Variants in LRRC49 observed in about 807,000 individuals in gnomAD.
The protein encoded by LRRC49 is leucine rich repeat containing 49.
Under a neutral mutation model 83.3 loss-of-function variants are expected in LRRC49, and 50 were observed. That is an observed-to-expected ratio of 0.60 (90% CI 0.48 to 0.76). LRRC49 has a LOEUF of 0.76. Among genes scored for constraint, LRRC49 ranks in the 30% least tolerant of loss-of-function variants. LRRC49 has a pLI of 0.00. For missense variants in LRRC49, 704 were observed against 809.1 expected (o/e 0.87, Z 1.58); for synonymous variants, 286 against 283.3 (o/e 1.01, Z -0.10).
At chr15:70,929,940 T>C (rs989569124) in intron 7 of LRRC49, among the ~76,000 whole-genome samples, 2 of 152,302 alleles carry the variant, frequency 1.3e-5, no homozygotes, top group Admixed American at 6.5e-5. Context: ...CTGCAGTTCC[T>C]TCCTTCACTG....
intron 9 of LRRC49, among the ~76,000 whole-genome samples, chr15:70,975,241 AG>A (rs897983095): frequency 2.6e-5 from 4 of 152,204 alleles, no homozygotes; most frequent in Non-Finnish European, 5.9e-5. Flanking sequence ...AAGATATCCC[AG>A]TGATCTTCAC....
At chr15:70,975,255 G>A (rs2037165174) in intron 9 of LRRC49, among the ~76,000 whole-genome samples, 1 of 152,098 alleles carries the variant, frequency 6.6e-6, no homozygotes, top group South Asian at 2.1e-4. Context: ...ATCTTCACCT[G>A]TTTTCACAAC....
At chr15:70,858,883 C>G (rs942037174) in intron 1 of LRRC49, 21 of 761,494 alleles carry the variant, frequency 2.8e-5, no homozygotes, top group African/African-American at 2.4e-4. Context: ...GGTGGTGGGG[C>G]CAGTGGTATG....
chr15:70,854,336 C>A (rs2141064277), intron 1 of LRRC49, among the ~76,000 whole-genome samples: 1 of 152,176 alleles, frequency 6.6e-6, no homozygotes, highest in African/African-American at 2.4e-5. Flanking sequence ...TTCCGGAGCT[C>A]CTCCGACGGA....
chr15:70,964,620 CCT>C (rs1456936018), intron 9 of LRRC49, among the ~76,000 whole-genome samples: 1 of 152,022 alleles, frequency 6.6e-6, no homozygotes, highest in East Asian at 1.9e-4. Flanking sequence ...ATAATATCCC[CCT>C]CTTTTTAGGT....
At chr15:70,853,833 G>A in intron 1 of LRRC49, 6 of 1,181,542 alleles carry the variant, frequency 5.1e-6, no homozygotes, top group East Asian at 3.5e-5. Context: ...CCCCGAACTC[G>A]CGCGCGGCCC....
intron 5 of LRRC49, 62 bp downstream of exon 5, chr15:70,904,817 C>A: frequency 8.0e-7 from 1 of 1,252,996 alleles, no homozygotes; most frequent in Non-Finnish European, 1.1e-6. Flanking sequence ...GTGGAGATGA[C>A]AACTTAGAAT....
intron 7 of LRRC49, among the ~76,000 whole-genome samples, chr15:70,930,328 G>A (rs2035360159): frequency 6.6e-6 from 1 of 152,086 alleles, no homozygotes; most frequent in Admixed American, 6.5e-5. Context: ...TATTTTGAAA[G>A]GAAAATTTTT....
chr15:70,956,092 T>G (rs1435976394), intron 8 of LRRC49, among the ~76,000 whole-genome samples: 1 of 152,188 alleles, frequency 6.6e-6, no homozygotes, highest in Admixed American at 6.5e-5. Context: ...GCCCTTTTTC[T>G]AAAGTACTTA....
At chr15:70,905,359 C>T (rs1231318528) in intron 5 of LRRC49, among the ~76,000 whole-genome samples, 1 of 152,044 alleles carries the variant, frequency 6.6e-6, no homozygotes, top group East Asian at 1.9e-4. Context: ...TAGTAAAATC[C>T]AAAAATGATT....
intron 1 of LRRC49, among the ~76,000 whole-genome samples, chr15:70,861,655 A>G (rs558521292): frequency 6.6e-6 from 1 of 152,310 alleles, no homozygotes; most frequent in Admixed American, 6.5e-5. Context: ...GCATATTATC[A>G]AATTGTTTTG....
At chr15:70,952,342 G>A (rs1452109946) in intron 8 of LRRC49, among the ~76,000 whole-genome samples, 1 of 151,790 alleles carries the variant, frequency 6.6e-6, no homozygotes, top group East Asian at 1.9e-4. Flanking sequence ...ATTGGCACTA[G>A]CTCTTCTTTG....
At chr15:70,883,792 T>C (rs565498621) in intron 2 of LRRC49, among the ~76,000 whole-genome samples, 1 of 151,986 alleles carries the variant, frequency 6.6e-6, no homozygotes, top group Non-Finnish European at 1.5e-5. Flanking sequence ...GTAGCTGGGA[T>C]TACAGGTGCC....
At chr15:70,966,250 T>C (rs2036789143) in intron 9 of LRRC49, among the ~76,000 whole-genome samples, 1 of 152,128 alleles carries the variant, frequency 6.6e-6, no homozygotes, top group Non-Finnish European at 1.5e-5. Flanking sequence ...GGGCAGTGGT[T>C]CCTAAACTGC....
intron 2 of LRRC49, among the ~76,000 whole-genome samples, chr15:70,879,439 T>C (rs1035631599): frequency 3.5e-4 from 53 of 152,242 alleles, no homozygotes; most frequent in East Asian, 1.9e-4. Flanking sequence ...TTTTGGATGA[T>C]AAATTGTTAA....
intron 14 of LRRC49, among the ~76,000 whole-genome samples, chr15:71,028,456 T>C (rs183744872): frequency 1.6e-4 from 24 of 152,350 alleles, no homozygotes; most frequent in Non-Finnish European, 3.1e-4. Context: ...GATGCTGGCT[T>C]CATAAAATGA....
At chr15:70,966,176 A>T (rs1443906239) in intron 9 of LRRC49, among the ~76,000 whole-genome samples, 1 of 152,128 alleles carries the variant, frequency 6.6e-6, no homozygotes, top group Admixed American at 6.6e-5. Flanking sequence ...TTTTGTGTAA[A>T]TTACCATATA....
At chr15:71,037,153 TA>T in intron 14 of LRRC49, 25 bp from the exon 15 acceptor site, 1 of 1,560,090 alleles carries the variant, frequency 6.4e-7, no homozygotes, top group Non-Finnish European at 8.8e-7. Flanking sequence ...AGTAACTCTC[TA>T]AATCTCTTTA....
chr15:70,856,982 T>C (rs907365008), intron 1 of LRRC49, among the ~76,000 whole-genome samples: 37 of 152,188 alleles, frequency 2.4e-4, no homozygotes, highest in African/African-American at 8.4e-4. Context: ...TGAACATCAT[T>C]GCAGGGAGTT....
Sources: allele counts gnomAD v4.1 joint callset (sites outside exome capture counted in the v4.1 genomes callset), GRCh38; gene constraint gnomAD v4.1.1; transcripts MANE v1.5; gene names NCBI Gene and HGNC (gene_info 2026-07-23, HGNC 2026-07-21).